DNAH9: variants seen among roughly 807,000 people sequenced by gnomAD.
DNAH9 encodes dynein axonemal heavy chain 9.
A neutral mutation model predicts 471.6 loss-of-function variants in DNAH9; 345 were observed. The observed-to-expected ratio is 0.73, with a 90% CI of 0.67 to 0.80. The LOEUF (loss-of-function observed/expected upper bound fraction) is 0.80, where lower values mean the gene tolerates loss of function less well. DNAH9 is among the 30% of genes least tolerant of loss of function. The pLI is 0.00. For synonymous variants in DNAH9, 2,093 were observed against 2,123.6 expected (o/e 0.99, Z 0.40); for missense variants, 5,407 against 5,609.2 (o/e 0.96, Z 1.15).
intron 48 of DNAH9, among the ~76,000 whole-genome samples, chr17:11,830,242 T>G (rs2150949638): frequency 6.6e-6 from 1 of 152,318 alleles, no homozygotes; most frequent in Non-Finnish European, 1.5e-5. Flanking sequence ...CTGAGTTAGG[T>G]TTCACTTGTC....
chr17:11,752,726 C>G (rs558828162), intron 32 of DNAH9, 107 bp from the exon 33 acceptor site: 115 of 810,896 alleles, frequency 1.4e-4, no homozygotes, highest in Non-Finnish European at 1.9e-4. Flanking sequence ...TTTGCATGTT[C>G]CATGTACGCC....
intron 59 of DNAH9, among the ~76,000 whole-genome samples, chr17:11,897,357 A>G (rs1437958909): frequency 6.6e-6 from 1 of 152,166 alleles, no homozygotes; most frequent in African/African-American, 2.4e-5. Context: ...AAGTTTTCCA[A>G]TTAATAAAAC....
At chr17:11,844,026 ATAAG>A (rs1971128836) in intron 49 of DNAH9, among the ~76,000 whole-genome samples, 1 of 122,568 alleles carries the variant, frequency 8.2e-6, no homozygotes, top group Admixed American at 7.8e-5. Flanking sequence ...ATATTCCACA[ATAAG>A]TATATACTCT....
At chr17:11,735,008 C>G (rs762854950) in intron 28 of DNAH9, among the ~76,000 whole-genome samples, 4 of 152,100 alleles carry the variant, frequency 2.6e-5, no homozygotes, top group African/African-American at 7.2e-5. Context: ...TCATTGGACC[C>G]CATTCCCAGA....
At chr17:11,729,250 AT>A (rs1300563912) in intron 28 of DNAH9, among the ~76,000 whole-genome samples, 1 of 152,056 alleles carries the variant, frequency 6.6e-6, no homozygotes, top group African/African-American at 2.4e-5. Flanking sequence ...GATAAAGCAC[AT>A]CGTTTGCCAG....
At chr17:11,632,907 C>T (rs1022290160) in intron 8 of DNAH9, among the ~76,000 whole-genome samples, 1 of 152,076 alleles carries the variant, frequency 6.6e-6, no homozygotes, top group Non-Finnish European at 1.5e-5. Context: ...TTATGCTTTC[C>T]TGAAAATGTG....
At chr17:11,832,478 T>C (rs919633821) in intron 48 of DNAH9, among the ~76,000 whole-genome samples, 1 of 152,226 alleles carries the variant, frequency 6.6e-6, no homozygotes, top group African/African-American at 2.4e-5. Flanking sequence ...CCTGTAGAAA[T>C]AACTCTCCGC....
At position 11,854,311 on chromosome 17, in the gene DNAH9, T is replaced by C; in HGVS notation, c.9816T>C (p.Ile3272=). The C allele has an allele frequency of 1.9e-6, 3 of 1,614,102 alleles. No individual in the cohort carries two copies. The highest frequency in any genetic ancestry group is 2.5e-6 in the Non-Finnish European group (3 of 1,180,038). ...GCCTCTGCTCCTGGGTCATCAATAT[T>C]GTGAGATTTTATGAGGTGTTCTGTG... ...AAGLCSWVIN[I]VRFYEVFCDV... Residue 3272 remains isoleucine, a synonymous_variant, in exon 50 of 69, where the codon ATT becomes ATC. Coordinates refer to ENST00000262442, the MANE Select transcript of DNAH9 (RefSeq NM_001372.4).
intron 26 of DNAH9, among the ~76,000 whole-genome samples, chr17:11,716,371 G>A (rs951534500): frequency 7.2e-5 from 11 of 151,938 alleles, no homozygotes; most frequent in East Asian, 3.9e-4. Context: ...GTGAGCCACC[G>A]TGCCCGGCCC....
At chr17:11,846,351 C>A (rs1597727513) in intron 49 of DNAH9, among the ~76,000 whole-genome samples, 1 of 149,520 alleles carries the variant, frequency 6.7e-6, no homozygotes, top group Non-Finnish European at 1.5e-5. Flanking sequence ...TGTTCTGTTC[C>A]ATTGATCTAT....
At chr17:11,855,445 T>G (rs536424392) in intron 50 of DNAH9, among the ~76,000 whole-genome samples, 1 of 152,164 alleles carries the variant, frequency 6.6e-6, no homozygotes, top group African/African-American at 2.4e-5. Flanking sequence ...TGTGGAGTCT[T>G]TGTGTGAGAA....
chr17:11,703,189 C>T (rs2074635232), intron 24 of DNAH9, among the ~76,000 whole-genome samples: 1 of 151,826 alleles, frequency 6.6e-6, no homozygotes, highest in African/African-American at 2.4e-5. Flanking sequence ...AGAAAGGAGT[C>T]CACACTGCAG....
intron 43 of DNAH9, among the ~76,000 whole-genome samples, chr17:11,805,004 AG>A (rs1434460798): frequency 6.6e-6 from 1 of 151,902 alleles, no homozygotes; most frequent in Non-Finnish European, 1.5e-5. Flanking sequence ...CAGTGAGCTG[AG>A]ATCCCACCAT....
chr17:11,683,748 G>GGT, intron 19 of DNAH9, among the ~76,000 whole-genome samples: 1 of 152,228 alleles, frequency 6.6e-6, no homozygotes, highest in Admixed American at 6.5e-5. Context: ...CTCTTAGCTG[G>GGT]GTGTTCCAAA....
At position 11,694,339 on chromosome 17, in the gene DNAH9, G is replaced by A; in HGVS notation, c.4764G>A (p.Lys1588=). 1 of 1,613,944 alleles carries A rather than the reference G, an allele frequency of 6.2e-7. No homozygotes were observed. The highest frequency in any genetic ancestry group is 8.5e-7 in the Non-Finnish European group (1 of 1,179,990). The change falls in exon 22 of 69, where the codon AAG becomes AAA. Residue 1588 remains lysine, a synonymous_variant. Coordinates refer to ENST00000262442, the MANE Select transcript of DNAH9 (RefSeq NM_001372.4). ...CCCTCAGATTGTGCCTGTGTGAGAA[G>A]GCCCTGGCAGAGTACCTCGACACCA... ...DIQGRLCLCE[K]ALAEYLDTKR...
At chr17:11,955,515 G>A (rs988770446) in intron 67 of DNAH9, among the ~76,000 whole-genome samples, 16 of 152,162 alleles carry the variant, frequency 1.1e-4, no homozygotes, top group African/African-American at 3.9e-4. Context: ...CCTATATGCT[G>A]TTATGTCAGG....
intron 68 of DNAH9, among the ~76,000 whole-genome samples, chr17:11,967,675 CA>C (rs1239738003): frequency 6.6e-6 from 1 of 152,110 alleles, no homozygotes. Flanking sequence ...TGAAACCCAT[CA>C]TGATCCAATT....
chr17:11,857,737 A>G (rs1008206719), intron 50 of DNAH9, among the ~76,000 whole-genome samples: 2 of 152,210 alleles, frequency 1.3e-5, no homozygotes, highest in Non-Finnish European at 2.9e-5. Context: ...TTGTGTTGTC[A>G]GGAGAATCCT....
intron 8 of DNAH9, 85 bp from the exon 9 acceptor site, chr17:11,636,549 G>A (rs1274239307): frequency 2.7e-6 from 3 of 1,120,260 alleles, no homozygotes; most frequent in African/African-American, 1.5e-5. Context: ...GGCATATAAA[G>A]GAAAACCAGA....
Sources: gnomAD v4.1 joint callset for allele counts (sites outside exome capture counted in the v4.1 genomes callset) on GRCh38, gnomAD v4.1.1 for gene constraint, MANE v1.5 for transcripts, NCBI Gene and HGNC (gene_info 2026-07-23, HGNC 2026-07-21) for gene names.